ZNF347: variants seen among roughly 807,000 people sequenced by gnomAD.
The protein encoded by ZNF347 is CTD-2620I22.7.
In ZNF347, 19 loss-of-function variants were observed where a neutral mutation model predicts 12.9. That is an observed-to-expected ratio of 1.47 (90% confidence interval 1.03 to 2.16). The LOEUF (loss-of-function observed/expected upper bound fraction) is 2.16, where lower values mean the gene tolerates loss of function less well. ZNF347 is among the 30% of genes most tolerant of loss of function. The pLI is 0.00. For missense variants in ZNF347, 1,005 were observed against 990.6 expected (o/e 1.01, Z -0.19); for synonymous variants, 328 against 340.6 (o/e 0.96, Z 0.41).
chr19:53,145,628 A>G (rs1315815411), intron 4 of ZNF347, among the ~76,000 whole-genome samples: 1 of 151,998 alleles, frequency 6.6e-6, no homozygotes, highest in Non-Finnish European at 1.5e-5. Flanking sequence ...CCTGAGCTCA[A>G]GCAATCCGCC....
In ZNF347 at chr19:53,155,069, C is replaced by T. The variant is rs577164644; in HGVS notation, c.-46-1276G>A. The stretch of plus-strand genomic sequence containing the variant: ...TCTCCTGCCTCAACCTCCAGAGTAG[C>T]TGGGATCACAGGCGCGTGCCACTAT... On this transcript the variant is annotated intron_variant, in intron 1 of 4. Transcript: ENST00000334197. Among the ~76,000 whole-genome samples the T allele has an allele frequency of 5.4e-4, 82 of 151,970 alleles. 1 individual carries two copies. In the South Asian group the frequency reaches 0.017, roughly 32 times the overall value.
chr19:53,145,395 CT>C (rs527465408), intron 4 of ZNF347, among the ~76,000 whole-genome samples: 427 of 138,158 alleles, frequency 3.1e-3, no homozygotes, highest in East Asian at 4.2e-3. Context: ...TAAAACATTT[CT>C]TTTTTTTTTT....
intron 4 of ZNF347, among the ~76,000 whole-genome samples, chr19:53,148,005 A>AC (rs1487155663): frequency 6.6e-6 from 1 of 152,178 alleles, no homozygotes; most frequent in Non-Finnish European, 1.5e-5. Context: ...TACAGAAAAA[A>AC]CATACCTAAG....
intron 1 of ZNF347, among the ~76,000 whole-genome samples, chr19:53,157,191 G>A (rs866944510): frequency 6.6e-6 from 1 of 152,132 alleles, no homozygotes. Context: ...CACGTGTTAC[G>A]CATTTTACAT....
intron 4 of ZNF347, among the ~76,000 whole-genome samples, chr19:53,144,043 T>C (rs2090446535): frequency 6.6e-6 from 1 of 152,198 alleles, no homozygotes; most frequent in Non-Finnish European, 1.5e-5. Context: ...TCTTTTCTAA[T>C]TGTTTTCTAA....
At chr19:53,148,863 T>C (rs528034886) in intron 3 of ZNF347, 54 bp from the exon 4 acceptor site, 2 of 1,585,724 alleles carry the variant, frequency 1.3e-6, no homozygotes, top group African/African-American at 1.4e-5. Context: ...AGAGTCCCAG[T>C]CCTATGTTTA....
At position 53,135,333 on chromosome 19, in the gene ZNF347, T is replaced by C. The variant is rs1413903348; in HGVS notation, c.*4975A>G. The C allele has an allele frequency of 5.3e-3, 359 of 68,364 alleles. No individual in the cohort carries two copies. Among genetic ancestry groups the C allele is most frequent in the Non-Finnish European group, 8.3e-3 (306 of 36,774 alleles). The allele number at this position is 68,364 out of a possible 1,614,324, so 4.2% of individuals were successfully genotyped here. A position where few individuals can be genotyped will look rare whatever the true frequency, so the allele number is the denominator to read the frequency against. ...ATATATATATATATATATATATATA[T>C]ATATATAGAGAGAGAGAGAGAGAGA... On this transcript the variant is annotated 3_prime_UTR_variant, in exon 5 of 5. Coordinates refer to ENST00000334197, the MANE Select transcript of ZNF347 (RefSeq NM_032584.3).
In ZNF347 at chr19:53,140,446, C is replaced by G; in HGVS notation, c.2382G>C (p.Glu794Asp). The part of the protein sequence containing the change: ...QRIHTGEKPY[E>D]CGKPFSICSS... The stretch of plus-strand genomic sequence containing the variant: ...AACAGATACTAAAGGGTTTCCCACA[C>G]TCATATGGTTTCTCTCCGGTATGAA... The change falls in exon 5 of 5, where the codon GAG becomes GAC. Residue 794 changes from glutamate (E) to aspartate (D), a missense_variant. By Grantham distance (45) the Glu-to-Asp change is conservative (BLOSUM62 2). Coordinates refer to ENST00000334197, the MANE Select transcript of ZNF347 (RefSeq NM_032584.3). 6.2e-7 allele frequency: 1 copy of G among 1,614,076 alleles called. No homozygotes were observed. Among genetic ancestry groups the G allele is most frequent in the Non-Finnish European group, 8.5e-7 (1 of 1,179,988 alleles).
At chr19:53,149,690 T>C (rs1335122009) in intron 2 of ZNF347, among the ~76,000 whole-genome samples, 2 of 152,084 alleles carry the variant, frequency 1.3e-5, no homozygotes, top group Non-Finnish European at 2.9e-5. Flanking sequence ...CAACTTACCC[T>C]GAGGGGATGG....
chr19:53,153,125 C>A (rs1271005509), intron 2 of ZNF347, among the ~76,000 whole-genome samples: 1 of 152,096 alleles, frequency 6.6e-6, no homozygotes, highest in Non-Finnish European at 1.5e-5. Flanking sequence ...GATTCTCCTG[C>A]ATTTTCCATT....
rs1303797339 is a variant in ZNF347, at chr19:53,136,853, G to A, written c.*3455C>T. The A allele has an allele frequency of 6.6e-6, 1 of 152,138 alleles. No individual in the cohort carries two copies. The highest frequency in any genetic ancestry group is 1.9e-4 in the East Asian group (1 of 5,198). 9.4% of individuals were successfully genotyped at this position (152,138 alleles called of 1,614,324 possible). A position where few individuals can be genotyped will look rare whatever the true frequency, so the allele number is the denominator to read the frequency against. On this transcript the variant is annotated 3_prime_UTR_variant, in exon 5 of 5. Coordinates refer to ENST00000334197, the MANE Select transcript of ZNF347 (RefSeq NM_032584.3). ...AAGGAAGAGTATTATCTACTATTAT[G>A]AAGAAAGCGGAGGTCTTCCCTAACA... is the stretch of plus-strand genomic sequence containing the variant.
chr19:53,151,534 TA>T (rs34905550), intron 2 of ZNF347, among the ~76,000 whole-genome samples: 43,208 of 80,448 alleles, frequency 0.54, 10,061 homozygotes, highest in East Asian at 0.65. Context: ...CAAGACTGTC[TA>T]AAAAAAAAAA....
rs1410247725 is a variant in ZNF347, at chr19:53,138,598, A to G, written c.*1710T>C. 6.6e-6 allele frequency: 1 copy of G among 152,194 alleles called. No homozygotes were observed. Among genetic ancestry groups the G allele is most frequent in the Non-Finnish European group, 1.5e-5 (1 of 68,044 alleles). 9.4% of individuals were successfully genotyped at this position (152,194 alleles called of 1,614,324 possible). On this transcript the variant is annotated 3_prime_UTR_variant, in exon 5 of 5. Transcript: ENST00000334197. ...GGATTTTCATTATATCCATATAAATATTCTAAGGCAGAGTGTAGAGAGAAT... is the reference window on the plus strand; with the variant it reads ...GGATTTTCATTATATCCATATAAATGTTCTAAGGCAGAGTGTAGAGAGAAT...
At chr19:53,151,419 T>C (rs896904568) in intron 2 of ZNF347, among the ~76,000 whole-genome samples, 2 of 151,304 alleles carry the variant, frequency 1.3e-5, no homozygotes, top group African/African-American at 4.9e-5. Flanking sequence ...GCACCTGTAG[T>C]CTCAGCTACT....
At chr19:53,149,199 C>A in intron 3 of ZNF347, 42 bp downstream of exon 3, 1 of 1,605,538 alleles carries the variant, frequency 6.2e-7, no homozygotes, top group Non-Finnish European at 8.5e-7. Context: ...TGAAAAGATA[C>A]ACAGGGGCAG....
intron 4 of ZNF347, 90 bp downstream of exon 4, chr19:53,148,591 C>CTT (rs2146807346): frequency 1.2e-6 from 1 of 818,642 alleles, no homozygotes; most frequent in Non-Finnish European, 1.7e-6. Context: ...AGAATTCAAA[C>CTT]TTGTTTTCCC....
chr19:53,156,961 G>A (rs2090539959), intron 1 of ZNF347, among the ~76,000 whole-genome samples: 2 of 152,270 alleles, frequency 1.3e-5, no homozygotes, highest in Admixed American at 1.3e-4. Context: ...GTGGAGGCGA[G>A]ACACTGTGTA....
chr19:53,140,869 G>A lies in ZNF347; in HGVS notation c.1959C>T (p.Tyr653=), dbSNP rs2090418777. 9 of 1,613,724 alleles carry A rather than the reference G, an allele frequency of 5.6e-6. No homozygotes were observed. The highest frequency in any genetic ancestry group is 7.6e-6 in the Non-Finnish European group (9 of 1,179,878). Residue 653 remains tyrosine (Y), a synonymous_variant, in exon 5 of 5, where the codon TAC becomes TAT. Transcript: ENST00000334197. ...AGACCTTGCCACACTCATTACATTTGTAAGGTTTTTCACCAGTATGGATGA... is the reference window on the plus strand; with the variant it reads ...AGACCTTGCCACACTCATTACATTTATAAGGTTTTTCACCAGTATGGATGA... ...HQVIHTGEKP[Y]KCNECGKVFT...
At position 53,138,334 on chromosome 19, in the gene ZNF347, TTC is replaced by T. The variant is rs2090398229; in HGVS notation, c.*1972_*1973del. ...GGTTTTGCCATGTTGTCCTGGCTGG[TTC>T]AAACTCCTGGACTCAAGTGACCCCC... On this transcript the variant is annotated 3_prime_UTR_variant, in exon 5 of 5. Transcript: ENST00000334197. 6.6e-6 allele frequency: 1 copy of T among 151,496 alleles called. No homozygotes were observed. The highest frequency in any genetic ancestry group is 2.4e-5 in the African/African-American group (1 of 41,138). 9.4% of individuals were successfully genotyped at this position (151,496 alleles called of 1,614,324 possible).
Sources: allele counts gnomAD v4.1 joint callset (sites outside exome capture counted in the v4.1 genomes callset), GRCh38; gene constraint gnomAD v4.1.1; transcripts MANE v1.5; gene names NCBI Gene and HGNC (gene_info 2026-07-23, HGNC 2026-07-21).